The following KLF12 variants were observed in gnomAD, a reference collection of about 807,000 sequenced individuals.
KLF12 encodes the protein Krueppel-like factor 12.
Under a neutral mutation model 37.8 loss-of-function variants are expected in KLF12, and 9 were observed. The observed-to-expected ratio is 0.24, with a 90% confidence interval of 0.14 to 0.42. The LOEUF (loss-of-function observed/expected upper bound fraction) is 0.42, where lower values mean the gene tolerates loss of function less well. Among genes scored for constraint, KLF12 ranks in the 10% least tolerant of loss-of-function variants. The pLI is 1.00. For missense variants in KLF12, 411 were observed against 516.0 expected (o/e 0.80, Z 1.97); for synonymous variants, 208 against 202.1 (o/e 1.03, Z -0.25).
At chr13:74,217,735 AAAAC>A in the KLF12 span, among the ~76,000 whole-genome samples, 3 of 152,328 alleles carry the variant, frequency 2.0e-5, no homozygotes, top group South Asian at 2.1e-4. Context: ...TCAAAAAAAC[AAAAC>A]AAACAAACAA....
At chr13:74,152,261 A>T in the KLF12 span, among the ~76,000 whole-genome samples, 8 of 152,214 alleles carry the variant, frequency 5.3e-5, no homozygotes, top group African/African-American at 1.9e-4. Context: ...TAAGTTTCTC[A>T]TTATTAATTA....
intron 2 of KLF12, among the ~76,000 whole-genome samples, chr13:73,992,408 G>C (rs1388194523): frequency 6.6e-6 from 1 of 152,222 alleles, no homozygotes; most frequent in Non-Finnish European, 1.5e-5. Flanking sequence ...CTGAGTAAAG[G>C]AAGTAACTTA....
At chr13:74,281,800 AAT>A in the KLF12 span, among the ~76,000 whole-genome samples, 2 of 152,188 alleles carry the variant, frequency 1.3e-5, no homozygotes, top group Non-Finnish European at 2.9e-5. Flanking sequence ...ACAATAATTC[AAT>A]ATCTCTCACA....
At chr13:74,158,219 T>G in the KLF12 span, among the ~76,000 whole-genome samples, 63 of 152,246 alleles carry the variant, frequency 4.1e-4, no homozygotes, top group South Asian at 0.013. Context: ...GAAGGCTGCG[T>G]GGGCTGGACT....
chr13:74,127,559 C>T (rs1878011281), intron 1 of KLF12, among the ~76,000 whole-genome samples: 1 of 152,210 alleles, frequency 6.6e-6, no homozygotes, highest in African/African-American at 2.4e-5. Context: ...GGCAAGATAC[C>T]TGTAACATGG....
chr13:74,066,697 C>T (rs1873935607), intron 1 of KLF12, among the ~76,000 whole-genome samples: 1 of 152,072 alleles, frequency 6.6e-6, no homozygotes, highest in Admixed American at 6.5e-5. Flanking sequence ...CAAGAATAAT[C>T]ATGGTGATGT....
chr13:74,036,696 G>T (rs1351804495), intron 1 of KLF12, among the ~76,000 whole-genome samples: 13 of 152,212 alleles, frequency 8.5e-5, no homozygotes, highest in Admixed American at 7.2e-4. Context: ...GGTAGAAAAA[G>T]AAGTCAGCAG....
intron 6 of KLF12, among the ~76,000 whole-genome samples, chr13:73,753,693 C>A: frequency 6.7e-6 from 1 of 149,046 alleles, no homozygotes; most frequent in African/African-American, 2.5e-5. Context: ...CAATCTCTGG[C>A]AATTTCAAAA....
intron 3 of KLF12, among the ~76,000 whole-genome samples, chr13:73,919,253 T>A (rs1017140074): frequency 6.6e-6 from 1 of 152,198 alleles, no homozygotes; most frequent in African/African-American, 2.4e-5. Flanking sequence ...GGATTTACCA[T>A]GAAAATTCCT....
chr13:74,092,016 G>A (rs1227661542), intron 1 of KLF12, among the ~76,000 whole-genome samples: 9 of 150,314 alleles, frequency 6.0e-5, no homozygotes, highest in Admixed American at 2.0e-4. Context: ...AAACCCAGAC[G>A]TGGTGGCTCA....
chr13:74,285,705 G>A, the KLF12 span, among the ~76,000 whole-genome samples: 449 of 152,260 alleles, frequency 2.9e-3, 4 homozygotes, highest in African/African-American at 0.01. Flanking sequence ...CACAATGGCA[G>A]GTGATTACAT....
intron 5 of KLF12, among the ~76,000 whole-genome samples, chr13:73,774,568 T>C (rs1190515657): frequency 2.0e-5 from 3 of 152,164 alleles, no homozygotes; most frequent in African/African-American, 2.4e-5. Context: ...GTTTTGTTAA[T>C]TGTTCGAGCA....
chr13:74,236,039 C>A, the KLF12 span, among the ~76,000 whole-genome samples: 1 of 149,220 alleles, frequency 6.7e-6, no homozygotes, highest in Non-Finnish European at 1.5e-5. Flanking sequence ...TGGTGCGCTG[C>A]ACCCACTAAC....
At chr13:73,878,671 C>T (rs1886830235) in intron 3 of KLF12, among the ~76,000 whole-genome samples, 1 of 150,816 alleles carries the variant, frequency 6.6e-6, no homozygotes, top group Admixed American at 6.6e-5. Flanking sequence ...GGGTAAAGGG[C>T]AAGAGAGTGC....
intron 3 of KLF12, among the ~76,000 whole-genome samples, chr13:73,866,385 CA>C (rs2138839340): frequency 6.6e-6 from 1 of 152,120 alleles, no homozygotes; most frequent in East Asian, 1.9e-4. Flanking sequence ...AAATACTGGC[CA>C]GATATTTTCT....
chr13:74,147,117 A>G, the KLF12 span, among the ~76,000 whole-genome samples: 1 of 152,204 alleles, frequency 6.6e-6, no homozygotes, highest in Non-Finnish European at 1.5e-5. Context: ...TTCATGGCTA[A>G]GGAGCTTCAG....
chr13:74,077,780 G>A (rs1407682079), intron 1 of KLF12, among the ~76,000 whole-genome samples: 1 of 152,158 alleles, frequency 6.6e-6, no homozygotes, highest in Admixed American at 6.5e-5. Context: ...CTCGGACATG[G>A]TTACTTTGTC....
rs375617720 is a variant in KLF12 at position 73,725,250 on chromosome 13, G to A, written c.870-9725C>T. ...TGAGTAGCTGGAACTACAGGCGCCC[G>A]CCACCACACCCAGCTAATTTTTGTA... On this transcript the variant is annotated intron_variant, in intron 6 of 7. Coordinates refer to ENST00000377669, the MANE Select transcript of KLF12 (RefSeq NM_007249.5). Among the ~76,000 whole-genome samples, 11 of 151,994 alleles carry A rather than the reference G, an allele frequency of 7.2e-5. No homozygotes were observed. The South Asian group carries it at 8.3e-4, about 11-fold the overall frequency.
chr13:73,879,320 T>C (rs1886868513), intron 3 of KLF12, among the ~76,000 whole-genome samples: 1 of 152,230 alleles, frequency 6.6e-6, no homozygotes, highest in Non-Finnish European at 1.5e-5. Flanking sequence ...TGTCACTGTT[T>C]GGTGAAGCCT....
Sources: allele counts gnomAD v4.1 joint callset (sites outside exome capture counted in the v4.1 genomes callset), GRCh38; gene constraint gnomAD v4.1.1; transcripts MANE v1.5; gene names NCBI Gene and HGNC (gene_info 2026-07-23, HGNC 2026-07-21).